CADPS2: variants seen among roughly 807,000 people sequenced by gnomAD.
CADPS2 encodes the protein calcium-dependent secretion activator 2.
Under a neutral mutation model 172.5 loss-of-function variants are expected in CADPS2, and 93 were observed. The observed-to-expected ratio is 0.54, with a 90% confidence interval of 0.46 to 0.64. CADPS2 has a LOEUF of 0.64. Ranked by LOEUF, CADPS2 falls within the 30% of genes least tolerant of loss-of-function variation. CADPS2 has a pLI of 0.00. For synonymous variants in CADPS2, 546 were observed against 555.2 expected (o/e 0.98, Z 0.23); for missense variants, 1,420 against 1,565.9 (o/e 0.91, Z 1.57).
At position 122,393,564 on chromosome 7, in the gene CADPS2, T is replaced by C. The variant is rs771764978; in HGVS notation, c.2765A>G (p.Lys922Arg). 6.2e-7 allele frequency: 1 copy of C among 1,613,666 alleles called. No homozygotes were observed. The highest frequency in any genetic ancestry group is 1.3e-5 in the African/African-American group (1 of 74,884). Residue 922 changes from lysine to arginine, a missense_variant, in exon 21 of 30, where the codon AAA becomes AGA. Physicochemically the swap from Lys to Arg is conservative, Grantham distance 26. Transcript: ENST00000449022. ...GATTTCTTGCAAGTGTTTGTGAAAT[T>C]TTCCATTACACAAAAGTGCTGAAAT... ...LRNDTLLCNG[K>R]FHKHLQEIFV...
intron 1 of CADPS2, among the ~76,000 whole-genome samples, chr7:122,760,856 A>T (rs1388135507): frequency 6.6e-6 from 1 of 151,162 alleles, no homozygotes; most frequent in Non-Finnish European, 1.5e-5. Flanking sequence ...AGATATACCT[A>T]ATGTTAAATG....
At chr7:122,850,135 A>G (rs1440259686) in intron 1 of CADPS2, 2 of 1,228,952 alleles carry the variant, frequency 1.6e-6, no homozygotes, top group Non-Finnish European at 2.2e-6. Context: ...GAGTTTTAGC[A>G]ACTGCTGAAC....
chr7:122,549,118 C>T (rs190874971), intron 8 of CADPS2, among the ~76,000 whole-genome samples: 8 of 152,102 alleles, frequency 5.3e-5, no homozygotes, highest in South Asian at 2.1e-4. Context: ...ATCATAAGGC[C>T]GAGCACAGTG....
intron 1 of CADPS2, among the ~76,000 whole-genome samples, chr7:122,764,717 A>G (rs976870830): frequency 3.9e-5 from 6 of 152,122 alleles, no homozygotes; most frequent in African/African-American, 1.4e-4. Flanking sequence ...TAAGTCATTC[A>G]AATAATATCA....
At chr7:122,786,139 G>A (rs1461029864) in intron 1 of CADPS2, among the ~76,000 whole-genome samples, 1 of 152,128 alleles carries the variant, frequency 6.6e-6, no homozygotes, top group Non-Finnish European at 1.5e-5. Context: ...TTCTAGAAGG[G>A]ATAACACGGA....
chr7:122,815,649 C>T (rs557748017), intron 1 of CADPS2, among the ~76,000 whole-genome samples: 2 of 151,850 alleles, frequency 1.3e-5, no homozygotes, highest in East Asian at 3.9e-4. Context: ...TGCAGCGAAA[C>T]GTTAGACATC....
In CADPS2 at chr7:122,664,785, CT is replaced by C. The variant is rs542369314; in HGVS notation, c.454-1217del. Among the ~76,000 whole-genome samples, 1,153 of 151,734 alleles carry C rather than the reference CT, an allele frequency of 7.6e-3. 13 individuals carry two copies. The highest frequency in any genetic ancestry group is 0.026 in the African/African-American group (1,089 of 41,396). On this transcript the variant is annotated intron_variant, in intron 2 of 29. Transcript: ENST00000449022. ...CTTACAGAACAAAAATTCAAGTCAACTTTTTTTTCTTTTTTTTGAAACAGGG... is the reference window on the plus strand; with the variant it reads ...CTTACAGAACAAAAATTCAAGTCAACTTTTTTTCTTTTTTTTGAAACAGGG...
chr7:122,542,261 A>G (rs1239021133), intron 8 of CADPS2, among the ~76,000 whole-genome samples: 1 of 152,104 alleles, frequency 6.6e-6, no homozygotes, highest in Non-Finnish European at 1.5e-5. Context: ...AGGAACTACA[A>G]TTAAGCTGTC....
At chr7:122,537,675 C>G (rs1050006762) in intron 8 of CADPS2, among the ~76,000 whole-genome samples, 3 of 151,706 alleles carry the variant, frequency 2.0e-5, no homozygotes, top group African/African-American at 7.3e-5. Context: ...CACAACCCAA[C>G]AATCCTAGGG....
At position 122,757,456 on chromosome 7, in the gene CADPS2, T is replaced by G. The variant is rs193027761; in HGVS notation, c.340-20388A>C. Among the ~76,000 whole-genome samples, 13 of 152,188 alleles carry G rather than the reference T, an allele frequency of 8.5e-5. No homozygotes were observed. In the East Asian group the frequency reaches 2.3e-3, roughly 27 times the overall value. On this transcript the variant is annotated intron_variant, in intron 1 of 29. Transcript: ENST00000449022. ...AGCCACTGTGACCAGCCAGGAATGT[T>G]TTTTAAAGCATTCTGTACTACAATA... is the stretch of plus-strand genomic sequence containing the variant.
chr7:122,823,744 T>TA (rs770199111), intron 1 of CADPS2, among the ~76,000 whole-genome samples: 3 of 152,154 alleles, frequency 2.0e-5, no homozygotes, highest in Non-Finnish European at 4.4e-5. Flanking sequence ...TAAGAAAATA[T>TA]ATGACTTGGA....
intron 1 of CADPS2, among the ~76,000 whole-genome samples, chr7:122,744,888 C>T (rs2092656114): frequency 6.6e-6 from 1 of 152,190 alleles, no homozygotes; most frequent in South Asian, 2.1e-4. Flanking sequence ...GAATGCTAAG[C>T]TCCAAATGTT....
At chr7:122,558,561 A>G (rs2065317987) in intron 7 of CADPS2, among the ~76,000 whole-genome samples, 2 of 152,156 alleles carry the variant, frequency 1.3e-5, no homozygotes, top group Admixed American at 1.3e-4. Context: ...ATAAAATGTC[A>G]GTGTCACTTG....
intron 1 of CADPS2, among the ~76,000 whole-genome samples, chr7:122,780,270 T>G (rs1291808816): frequency 6.6e-6 from 1 of 152,128 alleles, no homozygotes; most frequent in Non-Finnish European, 1.5e-5. Context: ...TTCTGTATAC[T>G]GAGTCTTCTA....
chr7:122,525,168 T>C (rs1465136643), intron 8 of CADPS2, among the ~76,000 whole-genome samples: 1 of 152,074 alleles, frequency 6.6e-6, no homozygotes, highest in Non-Finnish European at 1.5e-5. Flanking sequence ...TAAAAAGTTT[T>C]CTTTAAAATT....
At chr7:122,657,021 A>C (rs1000113110) in intron 3 of CADPS2, among the ~76,000 whole-genome samples, 7 of 152,136 alleles carry the variant, frequency 4.6e-5, no homozygotes, top group African/African-American at 1.2e-4. Context: ...TCAGCTTTCT[A>C]CATATGGCTA....
chr7:122,398,367 T>C (rs1472228236), intron 20 of CADPS2, among the ~76,000 whole-genome samples: 2 of 152,204 alleles, frequency 1.3e-5, no homozygotes, highest in African/African-American at 4.8e-5. Context: ...TCCAATTTTA[T>C]AGTGCTCATC....
chr7:122,601,372 C>G (rs1380632309), intron 6 of CADPS2, among the ~76,000 whole-genome samples: 1 of 151,906 alleles, frequency 6.6e-6, no homozygotes, highest in East Asian at 1.9e-4. Context: ...ATTTTATAAG[C>G]CAAAAGACTT....
chr7:122,577,260 G>C (rs758820292), intron 7 of CADPS2, among the ~76,000 whole-genome samples: 4 of 151,980 alleles, frequency 2.6e-5, no homozygotes, highest in Non-Finnish European at 5.9e-5. Flanking sequence ...CGTGAGAATG[G>C]GCTAATACTG....
Sources: allele counts gnomAD v4.1 joint callset (sites outside exome capture counted in the v4.1 genomes callset), GRCh38; gene constraint gnomAD v4.1.1; transcripts MANE v1.5; gene names NCBI Gene and HGNC (gene_info 2026-07-23, HGNC 2026-07-21).